Variants in FBN1 observed in about 807,000 individuals in gnomAD.
FBN1 encodes the protein fibrillin 1.
Under a neutral mutation model 365.1 loss-of-function variants are expected in FBN1, and 29 were observed. That is an observed-to-expected ratio of 0.08 (90% CI 0.06 to 0.11). The LOEUF (loss-of-function observed/expected upper bound fraction) is 0.11, where lower values mean the gene tolerates loss of function less well. Ranked by LOEUF, FBN1 falls within the 10% of genes least tolerant of loss-of-function variation. The pLI is 1.00. For synonymous variants in FBN1, 1,210 were observed against 1,270.5 expected (o/e 0.95, Z 1.01); for missense variants, 2,476 against 3,703.2 (o/e 0.67, Z 8.60).
chr15:48,524,381 T>C (rs1163854832), intron 9 of FBN1, among the ~76,000 whole-genome samples: 1 of 152,188 alleles, frequency 6.6e-6, no homozygotes, highest in East Asian at 1.9e-4. Context: ...GACCTACTCA[T>C]TCCAAACAAC....
chr15:48,620,099 T>A (rs898827807), intron 2 of FBN1, among the ~76,000 whole-genome samples: 1 of 152,196 alleles, frequency 6.6e-6, no homozygotes, highest in South Asian at 2.1e-4. Context: ...AGGGTAGTGA[T>A]GAACCCCAGA....
intron 6 of FBN1, among the ~76,000 whole-genome samples, chr15:48,577,056 T>G (rs1263613563): frequency 6.6e-6 from 1 of 152,212 alleles, no homozygotes; most frequent in Non-Finnish European, 1.5e-5. Flanking sequence ...TCAGGTCATT[T>G]TTTTTAACCT....
chr15:48,458,242 T>C (rs1024139169), intron 43 of FBN1, among the ~76,000 whole-genome samples: 9 of 152,228 alleles, frequency 5.9e-5, no homozygotes, highest in African/African-American at 2.2e-4. Flanking sequence ...CTACAAGAGC[T>C]GCTGCAATTT....
At chr15:48,524,428 C>G (rs1317931642) in intron 9 of FBN1, among the ~76,000 whole-genome samples, 1 of 152,156 alleles carries the variant, frequency 6.6e-6, no homozygotes. Context: ...TTTATACTGT[C>G]AGGGGCTATT....
intron 6 of FBN1, among the ~76,000 whole-genome samples, chr15:48,571,775 A>G (rs1246559143): frequency 6.6e-6 from 1 of 152,220 alleles, no homozygotes; most frequent in Non-Finnish European, 1.5e-5. Context: ...ACTCCATTCT[A>G]AATACAAAAA....
At chr15:48,607,901 C>T (rs1173439792) in intron 4 of FBN1, among the ~76,000 whole-genome samples, 1 of 152,142 alleles carries the variant, frequency 6.6e-6, no homozygotes, top group East Asian at 1.9e-4. Context: ...CCATCTGTAC[C>T]CTCAGAGACT....
chr15:48,445,072 A>T (rs944622734), intron 48 of FBN1, among the ~76,000 whole-genome samples: 3 of 149,722 alleles, frequency 2.0e-5, no homozygotes, highest in Non-Finnish European at 4.4e-5. Flanking sequence ...TGGTGAGTAC[A>T]ATAGCTTAAT....
intron 2 of FBN1, among the ~76,000 whole-genome samples, chr15:48,621,383 G>A (rs1351525646): frequency 1.3e-5 from 2 of 152,132 alleles, no homozygotes; most frequent in East Asian, 3.9e-4. Context: ...AATATTATGT[G>A]ATAAAAATGG....
At position 48,505,084 on chromosome 15, in the gene FBN1, G is replaced by A. The variant is rs752664023; in HGVS notation, c.1901C>T (p.Ser634Phe). Reference protein sequence around the residue: ...MNGRCVNTDGSYRCECFPGLA... With the variant: ...MNGRCVNTDGFYRCECFPGLA... ...TCCAGGGAAGCATTCACATCTGTAG[G>A]AGCCATCAGTGTTGACGCAACGCCC... Residue 634 changes from serine to phenylalanine, a missense_variant, in exon 16 of 66, where the codon TCC (serine) becomes TTC (phenylalanine). Around this residue, in one of 5 missense-constraint regions of FBN1, gnomAD observed 1,780 missense variants for 2,840.8 expected, o/e 0.63. Transcript: ENST00000316623. 1 of 1,614,188 alleles carries A rather than the reference G, an allele frequency of 6.2e-7. No individual in the cohort carries two copies. Among genetic ancestry groups the A allele is most frequent in the Non-Finnish European group, 8.5e-7 (1 of 1,180,030 alleles).
At position 48,474,243 on chromosome 15, in the gene FBN1, G is replaced by A. The variant is rs369307821; in HGVS notation, c.4210+12C>T. Reference sequence around the variant, plus strand: ...ACTAGTGTTGACACAGTTGTTTCCAGCGTGAACATACCTGTACAAGTGAAG... The same window carrying A: ...ACTAGTGTTGACACAGTTGTTTCCAACGTGAACATACCTGTACAAGTGAAG... On this transcript the variant is annotated intron_variant, in intron 34 of 65. Transcript: ENST00000316623. 6.2e-7 allele frequency: 1 copy of A among 1,613,910 alleles called. No homozygotes were observed. Among genetic ancestry groups the A allele is most frequent in the Admixed American group, 1.7e-5 (1 of 59,994 alleles).
At chr15:48,578,202 C>G (rs909333241) in intron 6 of FBN1, among the ~76,000 whole-genome samples, 7 of 152,100 alleles carry the variant, frequency 4.6e-5, no homozygotes, top group Non-Finnish European at 7.4e-5. Context: ...TTAGTTCATT[C>G]ATTAAAAGGG....
chr15:48,531,691 C>T (rs1447260950), intron 8 of FBN1, among the ~76,000 whole-genome samples: 5 of 152,124 alleles, frequency 3.3e-5, no homozygotes, highest in African/African-American at 9.7e-5. Context: ...GACACTGTAA[C>T]CGGAAAAGAG....
At chr15:48,624,120 A>G (rs773831743) in intron 2 of FBN1, among the ~76,000 whole-genome samples, 2 of 152,120 alleles carry the variant, frequency 1.3e-5, no homozygotes, top group Non-Finnish European at 2.9e-5. Flanking sequence ...GAGTGTATAT[A>G]TTTAAAAAAA....
At position 48,425,410 on chromosome 15, in the gene FBN1, G is replaced by C. The variant is rs193922233; in HGVS notation, c.7412C>G (p.Pro2471Arg). Residue 2471 changes from proline (P) to arginine (R), a missense_variant, in exon 60 of 66, where the codon CCG becomes CGG. Around this residue, in one of 5 missense-constraint regions of FBN1, gnomAD observed 1,780 missense variants for 2,840.8 expected, o/e 0.63. Coordinates refer to ENST00000316623, the MANE Select transcript of FBN1 (RefSeq NM_000138.5). The part of the protein sequence containing the change: ...NTEGSYQCSC[P>R]KGYILQEDGR... ...ATCCTCTTGCAGAATGTAGCCTTTC[G>C]GGCATGAACACTGGTAACTCCCTTC... The C allele has an allele frequency of 2.5e-5, 41 of 1,614,000 alleles. No individual in the cohort carries two copies. Among genetic ancestry groups the C allele is most frequent in the Admixed American group, 1.2e-4 (7 of 60,006 alleles).
intron 31 of FBN1, 62 bp downstream of exon 31, chr15:48,483,756 T>G: frequency 6.3e-7 from 1 of 1,598,076 alleles, no homozygotes. Flanking sequence ...ACTAACTTTA[T>G]GTAATTTAAC....
intron 6 of FBN1, among the ~76,000 whole-genome samples, chr15:48,584,633 T>C (rs1208525701): frequency 6.6e-6 from 1 of 152,184 alleles, no homozygotes; most frequent in Non-Finnish European, 1.5e-5. Context: ...AGTTTTGTGA[T>C]AGCTTATTCT....
chr15:48,607,291 T>C (rs1462006710), intron 4 of FBN1, among the ~76,000 whole-genome samples: 1 of 150,406 alleles, frequency 6.6e-6, no homozygotes, highest in African/African-American at 2.4e-5. Context: ...ATATAAACTA[T>C]AGGAAACAAC....
chr15:48,433,241 AATT>A (rs558684645), intron 54 of FBN1, among the ~76,000 whole-genome samples: 105 of 152,264 alleles, frequency 6.9e-4, no homozygotes, highest in Middle Eastern at 3.4e-3. Context: ...GTCCTGGTAT[AATT>A]ATTAATGATT....
chr15:48,432,715 G>A, intron 55 of FBN1, 151 bp downstream of exon 55: 1 of 951,074 alleles, frequency 1.1e-6, no homozygotes, highest in South Asian at 1.4e-5. Flanking sequence ...CTACAATTTA[G>A]GGGGAAACGT....
Sources: allele counts gnomAD v4.1 joint callset (sites outside exome capture counted in the v4.1 genomes callset), GRCh38; gene constraint gnomAD v4.1.1; regional missense constraint gnomAD v4.1.1; transcripts MANE v1.5; gene names NCBI Gene and HGNC (gene_info 2026-07-23, HGNC 2026-07-21).